Variants in CSMD1 observed in about 807,000 individuals in gnomAD.
CSMD1 encodes CUB and sushi domain-containing protein 1.
In CSMD1, 213 loss-of-function variants were observed where a neutral mutation model predicts 417.5. The ratio of observed to expected loss-of-function variants is 0.51; its 90% CI spans 0.46 to 0.57. The LOEUF (loss-of-function observed/expected upper bound fraction) is 0.57, where lower values mean the gene tolerates loss of function less well. CSMD1 is among the 20% of genes least tolerant of loss of function. CSMD1 has a pLI of 0.00. For missense variants in CSMD1, 6,923 were observed against 4,529.7 expected, an observed-to-expected ratio of 1.53 and a Z score of -15.17; for synonymous variants, 2,862 against 1,736.8, an observed-to-expected ratio of 1.65 and a Z score of -16.11.
intron 3 of CSMD1, among the ~76,000 whole-genome samples, chr8:4,121,066 G>A (rs1802459604): frequency 6.6e-6 from 1 of 151,062 alleles, no homozygotes; most frequent in Admixed American, 6.6e-5. Flanking sequence ...TTTCTGACTG[G>A]GTCTGTTTGT....
At chr8:3,483,324 T>C (rs1817849189) in intron 11 of CSMD1, among the ~76,000 whole-genome samples, 1 of 151,994 alleles carries the variant, frequency 6.6e-6, no homozygotes, top group African/African-American at 2.4e-5. Flanking sequence ...TCATCAGCCA[T>C]CACAAAGATA....
intron 1 of CSMD1, among the ~76,000 whole-genome samples, chr8:4,674,784 G>A (rs1182994554): frequency 1.3e-5 from 2 of 152,154 alleles, no homozygotes; most frequent in Admixed American, 6.6e-5. Context: ...ATTGAATCGT[G>A]TCCCCCTCCA....
At chr8:4,040,600 T>A (rs73658540) in intron 3 of CSMD1, among the ~76,000 whole-genome samples, 8,345 of 152,250 alleles carry the variant, frequency 0.055, 661 homozygotes, top group African/African-American at 0.18. Flanking sequence ...CATGCATATA[T>A]GGATTGGGGA....
chr8:4,931,525 C>T (rs975384764), intron 1 of CSMD1, among the ~76,000 whole-genome samples: 21 of 152,160 alleles, frequency 1.4e-4, no homozygotes, highest in Admixed American at 7.9e-4. Context: ...AACCATCCAA[C>T]GCAAGGTGAC....
chr8:3,086,111 T>A (rs1452112334), intron 49 of CSMD1, among the ~76,000 whole-genome samples: 2 of 152,166 alleles, frequency 1.3e-5, no homozygotes, highest in South Asian at 2.1e-4. Context: ...ATTCTACGAC[T>A]CTGTTCTATA....
chr8:4,279,203 CACTA>C (rs1273481616), intron 3 of CSMD1, among the ~76,000 whole-genome samples: 1 of 151,514 alleles, frequency 6.6e-6, no homozygotes, highest in East Asian at 1.9e-4. Flanking sequence ...GCAGTATACA[CACTA>C]ACACACACAC....
At chr8:4,615,324 C>G (rs1801413944) in intron 2 of CSMD1, among the ~76,000 whole-genome samples, 1 of 152,118 alleles carries the variant, frequency 6.6e-6, no homozygotes, top group Non-Finnish European at 1.5e-5. Flanking sequence ...CCCCCAAACC[C>G]AGAAAACTCT....
At chr8:4,274,644 G>A (rs570920717) in intron 3 of CSMD1, among the ~76,000 whole-genome samples, 3 of 152,010 alleles carry the variant, frequency 2.0e-5, no homozygotes, top group East Asian at 1.9e-4. Context: ...AAATCTATAG[G>A]TCTCCATTAA....
chr8:3,454,454 T>C (rs984398676), intron 12 of CSMD1, among the ~76,000 whole-genome samples: 1 of 152,208 alleles, frequency 6.6e-6, no homozygotes, highest in South Asian at 2.1e-4. Context: ...CTGGTACCGG[T>C]TGTTCCTTTC....
At chr8:4,526,261 C>CA (rs1372403596) in intron 2 of CSMD1, among the ~76,000 whole-genome samples, 4 of 152,160 alleles carry the variant, frequency 2.6e-5, no homozygotes, top group Non-Finnish European at 4.4e-5. Context: ...CATTATAAAG[C>CA]AAACATCCTT....
chr8:4,041,332 T>G (rs1204362717), intron 3 of CSMD1, among the ~76,000 whole-genome samples: 2 of 152,164 alleles, frequency 1.3e-5, no homozygotes, highest in African/African-American at 4.8e-5. Context: ...TTTGCCATTT[T>G]AAACACTAGA....
intron 6 of CSMD1, among the ~76,000 whole-genome samples, chr8:3,719,904 C>T (rs75108187): frequency 1.3e-5 from 2 of 152,078 alleles, no homozygotes; most frequent in African/African-American, 2.4e-5. Flanking sequence ...TGTCACCTTG[C>T]CAGGTTAAAA....
intron 7 of CSMD1, among the ~76,000 whole-genome samples, chr8:3,684,777 G>C (rs1490934343): frequency 2.0e-5 from 3 of 151,942 alleles, no homozygotes; most frequent in African/African-American, 7.2e-5. Flanking sequence ...CTTGACGGCA[G>C]CCTAATTTTA....
At chr8:3,148,103 C>T (rs1201541142) in intron 40 of CSMD1, among the ~76,000 whole-genome samples, 1 of 152,166 alleles carries the variant, frequency 6.6e-6, no homozygotes, top group Non-Finnish European at 1.5e-5. Context: ...GTTGTAACCA[C>T]AGGAAATGTT....
chr8:4,084,205 T>G (rs1296759766), intron 3 of CSMD1, among the ~76,000 whole-genome samples: 1 of 152,138 alleles, frequency 6.6e-6, no homozygotes, highest in Non-Finnish European at 1.5e-5. Flanking sequence ...TCCTGATTTT[T>G]CAGTTAGTTT....
At chr8:3,846,076 A>C (rs761791818) in intron 5 of CSMD1, among the ~76,000 whole-genome samples, 7 of 141,568 alleles carry the variant, frequency 4.9e-5, no homozygotes, top group Non-Finnish European at 7.9e-5. Context: ...AAAAAATAAT[A>C]AGCAGCAGTA....
intron 2 of CSMD1, among the ~76,000 whole-genome samples, chr8:4,426,535 T>C (rs915518967): frequency 6.8e-6 from 1 of 147,604 alleles, no homozygotes; most frequent in Non-Finnish European, 1.5e-5. Context: ...TATTTTATAC[T>C]GTATAATATA....
At chr8:4,814,250 A>T (rs1799075247) in intron 1 of CSMD1, among the ~76,000 whole-genome samples, 1 of 150,924 alleles carries the variant, frequency 6.6e-6, no homozygotes. Context: ...GCGTGTGTGT[A>T]TGTGTGTGGT....
chr8:4,424,685 T>C lies in CSMD1; in HGVS notation c.303-4620A>G, dbSNP rs140262146. Among the ~76,000 whole-genome samples, 317 of 152,182 alleles carry C rather than the reference T, an allele frequency of 2.1e-3. 2 individuals are homozygous for C. Among genetic ancestry groups the C allele is most frequent in the African/African-American group, 7.3e-3 (305 of 41,546 alleles). ...ACATTTCCTTTAAAAACGAAACACG[T>C]AACTGCCATCTGACCAAACAATTGT... On this transcript the variant is annotated intron_variant, in intron 2 of 69. Coordinates refer to ENST00000635120, the MANE Select transcript of CSMD1 (RefSeq NM_033225.6).
Sources: gnomAD v4.1 joint callset for allele counts (sites outside exome capture counted in the v4.1 genomes callset) on GRCh38, gnomAD v4.1.1 for gene constraint, MANE v1.5 for transcripts, NCBI Gene and HGNC (gene_info 2026-07-23, HGNC 2026-07-21) for gene names.